Variants in DRC1 observed in about 807,000 individuals in gnomAD.
DRC1 encodes the protein dynein regulatory complex protein 1.
Under a neutral mutation model 98.7 loss-of-function variants are expected in DRC1, and 74 were observed. The ratio of observed to expected loss-of-function variants is 0.75; its 90% CI spans 0.62 to 0.91. DRC1 has a LOEUF of 0.91. Ranked by LOEUF, DRC1 falls within the 40% of genes least tolerant of loss-of-function variation. The pLI is 0.00. For synonymous variants in DRC1, 336 were observed against 334.1 expected (o/e 1.01, Z -0.06); for missense variants, 875 against 886.0 (o/e 0.99, Z 0.16).
intron 5 of DRC1, 92 bp downstream of exon 5, chr2:26,429,857 A>G: frequency 7.3e-7 from 1 of 1,368,452 alleles, no homozygotes; most frequent in African/African-American, 1.5e-5. Flanking sequence ...AGGGCCCTAC[A>G]TGACTTCTCT....
chr2:26,414,502 A>C, intron 2 of DRC1, 71 bp downstream of exon 2: 1 of 1,399,710 alleles, frequency 7.1e-7, no homozygotes, highest in African/African-American at 1.4e-5. Context: ...TTTCACATTT[A>C]GACTGGAAGA....
At chr2:26,430,956 A>ATTT in intron 6 of DRC1, 84 bp downstream of exon 6, 22 of 572,358 alleles carry the variant, frequency 3.8e-5, no homozygotes, top group South Asian at 2.4e-4. Flanking sequence ...GCCTTTTTCT[A>ATTT]TCTTTTTTTT....
chr2:26,418,701 T>A (rs1396071694), intron 2 of DRC1, among the ~76,000 whole-genome samples: 18 of 90,808 alleles, frequency 2.0e-4, no homozygotes, highest in South Asian at 6.7e-4. Flanking sequence ...ATATAAATTA[T>A]ATTTAATTTA....
At chr2:26,453,170 T>G (rs1223310201) in intron 13 of DRC1, 150 bp from the exon 14 acceptor site, 1 of 875,832 alleles carries the variant, frequency 1.1e-6, no homozygotes, top group Non-Finnish European at 1.8e-6. Flanking sequence ...TTCTTCCCAC[T>G]CTTTCTCCTG....
intron 6 of DRC1, among the ~76,000 whole-genome samples, chr2:26,431,480 C>T (rs534027467): frequency 6.6e-6 from 1 of 152,036 alleles, no homozygotes; most frequent in Admixed American, 6.5e-5. Context: ...TTTTAAGACA[C>T]CTTTTTAAAG....
chr2:26,407,838 T>C lies in DRC1; in HGVS notation c.155+5694T>C, dbSNP rs1173269952. On this transcript the variant is annotated intron_variant, in intron 1 of 16. Coordinates refer to ENST00000288710, the MANE Select transcript of DRC1 (RefSeq NM_145038.5). ...ATGACCCAATTGTAGTACATTTAAA[T>C]GTTAAATCTCCACCCCAAAGTGAAC... Among the ~76,000 whole-genome samples the C allele has an allele frequency of 2.6e-5, 4 of 152,304 alleles. No individual in the cohort carries two copies. In the East Asian group the frequency reaches 5.8e-4, roughly 22 times the overall value.
Position 26,447,786 on chromosome 2 carries a change from C to G in DRC1, c.1397-905C>G, listed in dbSNP as rs374648132. Among the ~76,000 whole-genome samples, 16 of 150,322 alleles carry G rather than the reference C, an allele frequency of 1.1e-4. No homozygotes were observed. In the East Asian group the frequency reaches 1.7e-3, roughly 16 times the overall value. On this transcript the variant is annotated intron_variant, in intron 10 of 16. Coordinates refer to ENST00000288710, the MANE Select transcript of DRC1 (RefSeq NM_145038.5). ...TTTGCCATGTTGGCCAGGCTGGTCT[C>G]AAACTCCTGACCTCAAGTGATCCAC...
intron 3 of DRC1, 48 bp from the exon 4 acceptor site, chr2:26,424,223 G>C (rs758270980): frequency 1.6e-4 from 252 of 1,607,342 alleles, no homozygotes; most frequent in Non-Finnish European, 2.0e-4. Flanking sequence ...CTACTGGAAG[G>C]CAGCATCTGG....
At position 26,444,742 on chromosome 2, in the gene DRC1, A is replaced by G. The variant is rs1213642545; in HGVS notation, c.1190A>G (p.Lys397Arg). The G allele has an allele frequency of 6.2e-7, 1 of 1,614,102 alleles. No homozygotes were observed. Among genetic ancestry groups the G allele is most frequent in the Non-Finnish European group, 8.5e-7 (1 of 1,180,014 alleles). ...MRHFALIDDE[K>R]FWEIWLMNEE... Reference sequence around the variant, plus strand: ...CATTTTGCTCTTATTGATGATGAGAAGTTTTGGGAGATTTGGCTGATGAAT... The same window carrying G: ...CATTTTGCTCTTATTGATGATGAGAGGTTTTGGGAGATTTGGCTGATGAAT... The change falls in exon 10 of 17, where the codon AAG becomes AGG. Residue 397 changes from lysine to arginine, a missense_variant. Coordinates refer to ENST00000288710, the MANE Select transcript of DRC1 (RefSeq NM_145038.5).
At chr2:26,402,938 G>C (rs938029059) in intron 1 of DRC1, among the ~76,000 whole-genome samples, 1 of 152,158 alleles carries the variant, frequency 6.6e-6, no homozygotes, top group African/African-American at 2.4e-5. Context: ...TAGGCTTTTC[G>C]GATCATATGG....
In DRC1 at chr2:26,439,964, T is replaced by C. The variant is rs199537288; in HGVS notation, c.889-414T>C. Among the ~76,000 whole-genome samples, 42 of 128,248 alleles carry C rather than the reference T, an allele frequency of 3.3e-4. 1 individual carries two copies. The highest frequency in any genetic ancestry group is 2.0e-3 in the South Asian group (7 of 3,568). 84.1% of individuals were successfully genotyped at this position (128,248 alleles called of 152,430 possible). The stretch of plus-strand genomic sequence containing the variant: ...ACACACACATACACACACACACACA[T>C]ATATATATACACACATATATATATT... On this transcript the variant is annotated intron_variant, in intron 7 of 16. Transcript: ENST00000288710.
At chr2:26,423,350 CAGGAAG>C (rs898660414) in intron 3 of DRC1, among the ~76,000 whole-genome samples, 1 of 151,984 alleles carries the variant, frequency 6.6e-6, no homozygotes, top group African/African-American at 2.4e-5. Flanking sequence ...GGGGATGGGA[CAGGAAG>C]AGGGGATTGC....
intron 3 of DRC1, among the ~76,000 whole-genome samples, chr2:26,423,043 C>G (rs1198444867): frequency 6.6e-6 from 1 of 151,992 alleles, no homozygotes; most frequent in Non-Finnish European, 1.5e-5. Flanking sequence ...GCAACTTTAG[C>G]AGCCCTACCA....
intron 1 of DRC1, among the ~76,000 whole-genome samples, chr2:26,403,565 C>T (rs1303924441): frequency 1.3e-5 from 2 of 152,086 alleles, no homozygotes; most frequent in Non-Finnish European, 2.9e-5. Flanking sequence ...GAGGCCAAGG[C>T]AGGAGGATCA....
chr2:26,443,396 C>T (rs1441071804), intron 8 of DRC1, among the ~76,000 whole-genome samples: 2 of 152,104 alleles, frequency 1.3e-5, no homozygotes, highest in African/African-American at 4.8e-5. Flanking sequence ...GTGAGCTGTG[C>T]CGTGCCTGGA....
chr2:26,454,884 G>T lies in DRC1; in HGVS notation c.2063+94G>T. The T allele has an allele frequency of 6.3e-7, 1 of 1,577,266 alleles. No homozygotes were observed. The highest frequency in any genetic ancestry group is 1.2e-5 in the South Asian group (1 of 85,654). On this transcript the variant is annotated intron_variant, in intron 15 of 16. Transcript: ENST00000288710. The surrounding 1 kb of genome is among the most constrained non-coding windows in gnomAD (Gnocchi z 5.2). ...GCGTTTGCTGCCTCCCTGTCCCACT[G>T]AACCTGGGAGGGAAGAGCTGCCCTT...
chr2:26,440,661 C>A, intron 8 of DRC1, 144 bp downstream of exon 8: 1 of 1,079,154 alleles, frequency 9.3e-7, no homozygotes, highest in Non-Finnish European at 1.2e-6. Context: ...AAAGTTAATA[C>A]ATTCAATCTC....
intron 7 of DRC1, among the ~76,000 whole-genome samples, chr2:26,434,101 TTGCAACTAA>T (rs1663505902): frequency 6.6e-6 from 1 of 152,238 alleles, no homozygotes; most frequent in South Asian, 2.1e-4. Context: ...AATTTGCTCT[TTGCAACTAA>T]TGCATAGCAC....
intron 7 of DRC1, among the ~76,000 whole-genome samples, chr2:26,434,820 G>A (rs1257008700): frequency 6.6e-6 from 1 of 152,070 alleles, no homozygotes; most frequent in African/African-American, 2.4e-5. Flanking sequence ...GAACCAGGGA[G>A]GCGGAGCTTG....
Sources: gnomAD v4.1 joint callset for allele counts (sites outside exome capture counted in the v4.1 genomes callset) on GRCh38, gnomAD v4.1.1 for gene constraint, Gnocchi (gnomAD v3.1) non-coding constraint, MANE v1.5 for transcripts, NCBI Gene and HGNC (gene_info 2026-07-23, HGNC 2026-07-21) for gene names.